The following TINAG variants were observed in gnomAD, a reference collection of about 807,000 sequenced individuals.
The protein encoded by TINAG is tubulointerstitial nephritis antigen.
A neutral mutation model predicts 72.7 loss-of-function variants in TINAG; 83 were observed. That is an observed-to-expected ratio of 1.14 (90% CI 0.96 to 1.37). The LOEUF (loss-of-function observed/expected upper bound fraction) is 1.37. TINAG is among the 40% of genes most tolerant of loss of function. The pLI is 0.00. For synonymous variants in TINAG, 234 were observed against 189.9 expected (o/e 1.23, Z -1.91); for missense variants, 685 against 576.6 (o/e 1.19, Z -1.93).
At chr6:54,332,007 A>G (rs1489208603) in intron 4 of TINAG, among the ~76,000 whole-genome samples, 1 of 152,222 alleles carries the variant, frequency 6.6e-6, no homozygotes, top group Non-Finnish European at 1.5e-5. Context: ...GCTCATGGAT[A>G]GGAAGAATCA....
At chr6:54,349,666 TACG>T (rs752032094) in intron 6 of TINAG, 47 bp from the exon 7 acceptor site, 1 of 1,414,538 alleles carries the variant, frequency 7.1e-7, no homozygotes, top group East Asian at 2.5e-5. Context: ...AAAAGGATAT[TACG>T]ACATTCTCCT....
chr6:54,386,127 G>A (rs934881182), intron 10 of TINAG, among the ~76,000 whole-genome samples: 1 of 152,024 alleles, frequency 6.6e-6, no homozygotes, highest in African/African-American at 2.4e-5. Context: ...CTGACTTCAG[G>A]TGATCTGCCC....
chr6:54,388,551 C>T (rs1764163213), intron 10 of TINAG, among the ~76,000 whole-genome samples: 1 of 152,070 alleles, frequency 6.6e-6, no homozygotes, highest in South Asian at 2.1e-4. Flanking sequence ...AGAATATTTT[C>T]TTAGTCCCAG....
At chr6:54,389,600 T>C (rs1465978485) in intron 10 of TINAG, among the ~76,000 whole-genome samples, 191 bp from the exon 11 acceptor site, 1 of 152,194 alleles carries the variant, frequency 6.6e-6, no homozygotes, top group African/African-American at 2.4e-5. Context: ...ATTCTGGCTA[T>C]TGCCATCATT....
At chr6:54,337,078 A>T (rs1230301114) in intron 4 of TINAG, among the ~76,000 whole-genome samples, 1 of 151,958 alleles carries the variant, frequency 6.6e-6, no homozygotes, top group African/African-American at 2.4e-5. Flanking sequence ...AATTTTTTTA[A>T]TCATCTGGAT....
chr6:54,351,282 T>C, intron 7 of TINAG, 70 bp from the exon 8 acceptor site: 1 of 1,375,264 alleles, frequency 7.3e-7, no homozygotes, highest in Non-Finnish European at 1.0e-6. Flanking sequence ...CACTTAACAT[T>C]GTACACCAAT....
chr6:54,352,181 T>C (rs535465095), intron 8 of TINAG, among the ~76,000 whole-genome samples: 34 of 151,964 alleles, frequency 2.2e-4, no homozygotes, highest in Middle Eastern at 3.4e-3. Flanking sequence ...GAATATATTA[T>C]CAATGCAGTG....
chr6:54,384,726 T>C (rs1054120086), intron 10 of TINAG, among the ~76,000 whole-genome samples: 16 of 151,928 alleles, frequency 1.1e-4, no homozygotes, highest in Admixed American at 9.2e-4. Context: ...ACACCAAAAG[T>C]TACAGAAAAA....
chr6:54,357,645 C>T (rs144034980), intron 9 of TINAG, among the ~76,000 whole-genome samples: 2 of 151,968 alleles, frequency 1.3e-5, no homozygotes, highest in African/African-American at 4.8e-5. Flanking sequence ...TTCAATATGT[C>T]ACAACCTCTT....
chr6:54,380,547 A>C lies in TINAG; in HGVS notation c.1272A>C (p.Ala424=). The C allele has an allele frequency of 6.2e-7, 1 of 1,610,986 alleles. No individual in the cohort carries two copies. Among genetic ancestry groups the C allele is most frequent in the Non-Finnish European group, 8.5e-7 (1 of 1,178,124 alleles). The part of the protein sequence containing the change: ...KLTGWGTLRG[A]QGQKEKFWIA... ...GTAGATGGGGCACACTGAGAGGAGC[A>C]CAAGGGCAGAAAGAAAAATTTTGGG... The change falls in exon 10 of 11, where the codon GCA becomes GCC. Residue 424 remains alanine (A), a synonymous_variant. Coordinates refer to ENST00000259782, the MANE Select transcript of TINAG (RefSeq NM_014464.4).
At chr6:54,389,132 A>G (rs12663327) in intron 10 of TINAG, among the ~76,000 whole-genome samples, 24,714 of 152,100 alleles carry the variant, frequency 0.16, 2,152 homozygotes, top group Non-Finnish European at 0.18. Flanking sequence ...TGATCTAACT[A>G]TAACAATTTT....
chr6:54,381,060 A>G (rs1265007604), intron 10 of TINAG, among the ~76,000 whole-genome samples: 1 of 148,396 alleles, frequency 6.7e-6, no homozygotes, highest in Non-Finnish European at 1.5e-5. Context: ...ATATATATAC[A>G]CATATATGTA....
intron 9 of TINAG, among the ~76,000 whole-genome samples, chr6:54,358,716 A>G (rs1763137319): frequency 6.6e-6 from 1 of 151,678 alleles, no homozygotes; most frequent in Non-Finnish European, 1.5e-5. Flanking sequence ...TAAATTCCTT[A>G]CTACTACTCT....
At chr6:54,321,709 C>A (rs889948776) in intron 3 of TINAG, among the ~76,000 whole-genome samples, 3 of 152,098 alleles carry the variant, frequency 2.0e-5, no homozygotes, top group African/African-American at 7.2e-5. Context: ...TGTATTCATA[C>A]TAACCATTTC....
At chr6:54,362,857 G>A (rs962333157) in intron 9 of TINAG, among the ~76,000 whole-genome samples, 6 of 151,450 alleles carry the variant, frequency 4.0e-5, no homozygotes, top group South Asian at 2.1e-4. Flanking sequence ...GGTGGATTTC[G>A]AGACTTTAGT....
chr6:54,353,956 G>T (rs1258466068), intron 8 of TINAG, among the ~76,000 whole-genome samples: 1 of 151,840 alleles, frequency 6.6e-6, no homozygotes, highest in Non-Finnish European at 1.5e-5. Flanking sequence ...TAAAATATAA[G>T]CCCTGCTTTT....
intron 1 of TINAG, among the ~76,000 whole-genome samples, chr6:54,312,065 T>G (rs1314282412): frequency 6.6e-6 from 1 of 152,084 alleles, no homozygotes. Context: ...TTGTTTTTTG[T>G]TTTTTGTTTT....
At chr6:54,358,931 G>A (rs1763145012) in intron 9 of TINAG, among the ~76,000 whole-genome samples, 1 of 151,844 alleles carries the variant, frequency 6.6e-6, no homozygotes, top group South Asian at 2.1e-4. Flanking sequence ...GGTGTTTCTA[G>A]ACTGCATTAT....
intron 10 of TINAG, among the ~76,000 whole-genome samples, chr6:54,380,980 G>GATATATATAT (rs10639072): frequency 7.0e-6 from 1 of 142,276 alleles, no homozygotes; most frequent in African/African-American, 2.6e-5. Context: ...TAACCTATAG[G>GATATATATAT]ATATATATAT....
Sources: gnomAD v4.1 joint callset for allele counts (sites outside exome capture counted in the v4.1 genomes callset) on GRCh38, gnomAD v4.1.1 for gene constraint, MANE v1.5 for transcripts, NCBI Gene and HGNC (gene_info 2026-07-23, HGNC 2026-07-21) for gene names.